Variants in KCNB2 observed in about 807,000 individuals in gnomAD.
KCNB2 encodes the protein potassium voltage-gated channel subfamily B member 2, also known as delayed rectifier potassium channel protein.
KCNB2 carries 15 observed loss-of-function variants against 61.5 expected under a neutral mutation model. The ratio of observed to expected loss-of-function variants is 0.24; its 90% CI spans 0.16 to 0.38. KCNB2 has a LOEUF of 0.38. KCNB2 is among the 10% of genes least tolerant of loss of function. The pLI is 1.00. For synonymous variants in KCNB2, 457 were observed against 446.0 expected, an observed-to-expected ratio of 1.02 and a Z score of -0.31; for missense variants, 828 against 1,125.2, an observed-to-expected ratio of 0.74 and a Z score of 3.78.
chr8:72,759,651 C>T (rs1473542033), intron 2 of KCNB2, among the ~76,000 whole-genome samples: 2 of 152,114 alleles, frequency 1.3e-5, no homozygotes, highest in African/African-American at 4.8e-5. Context: ...TAGAAATCAC[C>T]ATTCCTGTAC....
At position 72,818,741 on chromosome 8, in the gene KCNB2, C is replaced by T. The variant is rs114245440; in HGVS notation, c.580-117194C>T. ...ATAAAATTCTTCCTCTTCTACTCCT[C>T]CTGATGCCCTCCTTGGTACACCTAC... On this transcript the variant is annotated intron_variant, in intron 2 of 2. Transcript: ENST00000523207. Among the ~76,000 whole-genome samples, 265 of 152,270 alleles carry T rather than the reference C, an allele frequency of 1.7e-3. 1 individual carries two copies. The highest frequency in any genetic ancestry group is 6.0e-3 in the African/African-American group (251 of 41,570).
rs187432548 is a variant in KCNB2, at chr8:72,550,893, A to G, written c.-94+13008A>G. Reference sequence around the variant, plus strand: ...GGGAGCAGGCGATATTTGGAGATTCAGACAGGCAGGGCTGACAGAGACAGG... The same window carrying G: ...GGGAGCAGGCGATATTTGGAGATTCGGACAGGCAGGGCTGACAGAGACAGG... On this transcript the variant is annotated intron_variant, in intron 1 of 2. Coordinates refer to ENST00000523207, the MANE Select transcript of KCNB2 (RefSeq NM_004770.3). 4.8e-3 allele frequency among the ~76,000 whole-genome samples: 736 copies of G among 152,298 alleles called. 7 individuals are homozygous for G. The highest frequency in any genetic ancestry group is 0.017 in the African/African-American group (692 of 41,556).
chr8:72,598,332 A>T (rs1179829339), intron 2 of KCNB2, among the ~76,000 whole-genome samples: 1 of 152,256 alleles, frequency 6.6e-6, no homozygotes, highest in Admixed American at 6.5e-5. Context: ...GCATATAAAC[A>T]GAACCAAAGA....
intron 2 of KCNB2, among the ~76,000 whole-genome samples, chr8:72,898,569 AG>A (rs1431597501): frequency 1.3e-5 from 2 of 152,100 alleles, no homozygotes; most frequent in East Asian, 3.9e-4. Flanking sequence ...AAGTCAAGCC[AG>A]GGCCCTTATC....
At chr8:72,548,025 A>G (rs1177136024) in intron 1 of KCNB2, among the ~76,000 whole-genome samples, 1 of 152,218 alleles carries the variant, frequency 6.6e-6, no homozygotes, top group African/African-American at 2.4e-5. Context: ...ACATCAAGGC[A>G]AGACCATCCA....
chr8:72,626,627 G>A (rs1308703305), intron 2 of KCNB2, among the ~76,000 whole-genome samples: 2 of 152,158 alleles, frequency 1.3e-5, no homozygotes, highest in Non-Finnish European at 2.9e-5. Context: ...AAGGATTATT[G>A]TCCCCATTGA....
rs1435629655 is a variant in KCNB2 at position 72,598,711 on chromosome 8, C to A, written c.579+30398C>A. ...GTATATCTAGAAAATCCCAGCATCTCAGCCCAAAATCTCCTTAAGCTGATA... is the reference window on the plus strand; with the variant it reads ...GTATATCTAGAAAATCCCAGCATCTAAGCCCAAAATCTCCTTAAGCTGATA... On this transcript the variant is annotated intron_variant, in intron 2 of 2. Transcript: ENST00000523207. Among the ~76,000 whole-genome samples, 3 of 152,196 alleles carry A rather than the reference C, an allele frequency of 2.0e-5. No individual in the cohort carries two copies. In the East Asian group the frequency reaches 5.8e-4, roughly 29 times the overall value.
At position 72,937,140 on chromosome 8, in the gene KCNB2, G is replaced by A. The variant is rs1448720136; in HGVS notation, c.1785G>A (p.Val595=). ...QLAVAQTEVI[V]DMKSTSSIDS... is the part of the protein sequence containing the mutation. Reference sequence around the variant, plus strand: ...CCGTGGCACAGACCGAGGTCATTGTGGACATGAAGAGCACCTCCAGCATCG... The same window carrying A: ...CCGTGGCACAGACCGAGGTCATTGTAGACATGAAGAGCACCTCCAGCATCG... Residue 595 remains valine (V), a synonymous_variant, in exon 3 of 3, where the codon GTG becomes GTA. Coordinates refer to ENST00000523207, the MANE Select transcript of KCNB2 (RefSeq NM_004770.3). The A allele has an allele frequency of 3.7e-6, 6 of 1,614,024 alleles. No individual in the cohort carries two copies. The African/African-American group carries it at 8.0e-5, about 22-fold the overall frequency.
intron 2 of KCNB2, among the ~76,000 whole-genome samples, chr8:72,573,247 G>A (rs1806742723): frequency 6.6e-6 from 1 of 152,178 alleles, no homozygotes; most frequent in South Asian, 2.1e-4. Flanking sequence ...TATAGTATAT[G>A]GATCAGTTAT....
At chr8:72,606,430 G>T (rs1236849765) in intron 2 of KCNB2, among the ~76,000 whole-genome samples, 2 of 152,128 alleles carry the variant, frequency 1.3e-5, no homozygotes, top group African/African-American at 2.4e-5. Flanking sequence ...AATGGGAAAT[G>T]CATCAAAGTT....
At chr8:72,735,260 T>C (rs889200490) in intron 2 of KCNB2, among the ~76,000 whole-genome samples, 2 of 152,224 alleles carry the variant, frequency 1.3e-5, no homozygotes, top group Admixed American at 1.3e-4. Context: ...GTGACTTTTT[T>C]TTATTATTTC....
At chr8:72,651,698 C>T (rs1806213035) in intron 2 of KCNB2, among the ~76,000 whole-genome samples, 1 of 151,980 alleles carries the variant, frequency 6.6e-6, no homozygotes, top group Non-Finnish European at 1.5e-5. Flanking sequence ...TCTTTGGGCA[C>T]CAGATCTACA....
intron 1 of KCNB2, among the ~76,000 whole-genome samples, chr8:72,557,645 A>G (rs1585749840): frequency 2.0e-5 from 3 of 152,216 alleles, no homozygotes; most frequent in East Asian, 3.9e-4. Flanking sequence ...CAGAAATCTC[A>G]CAGAACCATA....
At chr8:72,615,432 C>T (rs1009281930) in intron 2 of KCNB2, among the ~76,000 whole-genome samples, 13 of 152,124 alleles carry the variant, frequency 8.5e-5, no homozygotes, top group African/African-American at 1.2e-4. Context: ...CTCAGTTGTA[C>T]GAGAATTCCC....
Position 72,795,246 on chromosome 8 carries a change from G to A in KCNB2, c.580-140689G>A, listed in dbSNP as rs933858360. On this transcript the variant is annotated intron_variant, in intron 2 of 2. Coordinates refer to ENST00000523207, the MANE Select transcript of KCNB2 (RefSeq NM_004770.3). ...CAAATAGTGACTCAATAAATTTTACGTATTTTCTACTTGCCTATTTAAAAG... is the reference window on the plus strand; with the variant it reads ...CAAATAGTGACTCAATAAATTTTACATATTTTCTACTTGCCTATTTAAAAG... 5.3e-5 allele frequency among the ~76,000 whole-genome samples: 8 copies of A among 152,126 alleles called. 1 individual carries two copies. The highest frequency in any genetic ancestry group is 4.1e-4 in the South Asian group (2 of 4,824).
intron 2 of KCNB2, among the ~76,000 whole-genome samples, chr8:72,709,897 A>G (rs1429598971): frequency 1.3e-5 from 2 of 152,182 alleles, no homozygotes; most frequent in East Asian, 3.9e-4. Flanking sequence ...GTTTCTTCCA[A>G]AGATGCTTCT....
intron 2 of KCNB2, among the ~76,000 whole-genome samples, chr8:72,764,235 G>C (rs1009392502): frequency 1.3e-5 from 2 of 152,142 alleles, no homozygotes; most frequent in African/African-American, 4.8e-5. Context: ...CTGGATGATA[G>C]GCAACCAGCA....
At chr8:72,921,252 A>G (rs1806515409) in intron 2 of KCNB2, among the ~76,000 whole-genome samples, 1 of 152,100 alleles carries the variant, frequency 6.6e-6, no homozygotes, top group Non-Finnish European at 1.5e-5. Flanking sequence ...ACCCTTTCTT[A>G]TGTTTTCTAT....
intron 2 of KCNB2, among the ~76,000 whole-genome samples, chr8:72,644,924 T>G (rs1412978525): frequency 6.6e-6 from 1 of 152,192 alleles, no homozygotes; most frequent in Non-Finnish European, 1.5e-5. Flanking sequence ...GTGATAGGCA[T>G]GTTGGCTTTC....
Sources: allele counts gnomAD v4.1 joint callset (sites outside exome capture counted in the v4.1 genomes callset), GRCh38; gene constraint gnomAD v4.1.1; transcripts MANE v1.5; gene names NCBI Gene and HGNC (gene_info 2026-07-23, HGNC 2026-07-21).